The following UBTD2 variants were observed in gnomAD, a reference collection of about 807,000 sequenced individuals.
UBTD2 encodes ubiquitin domain-containing protein 2.
UBTD2 carries 9 observed loss-of-function variants against 19.8 expected under a neutral mutation model. The ratio of observed to expected loss-of-function variants is 0.46; its 90% CI spans 0.27 to 0.79. The LOEUF (loss-of-function observed/expected upper bound fraction) is 0.79. Among genes scored for constraint, UBTD2 ranks in the 30% least tolerant of loss-of-function variants. The pLI, the probability that UBTD2 is intolerant of heterozygous loss-of-function variation, is 0.14. For missense variants in UBTD2, 250 were observed against 300.4 expected, an observed-to-expected ratio of 0.83 and a Z score of 1.24; for synonymous variants, 98 against 103.9, an observed-to-expected ratio of 0.94 and a Z score of 0.35.
intron 1 of UBTD2, among the ~76,000 whole-genome samples, chr5:172,279,839 C>T (rs1000818485): frequency 2.0e-5 from 3 of 152,178 alleles, no homozygotes; most frequent in African/African-American, 4.8e-5. Context: ...GAGAACCATA[C>T]AGAATGTCTG....
chr5:172,211,792 G>C lies in UBTD2; in HGVS notation c.*38C>G. On this transcript the variant is annotated 3_prime_UTR_variant, in exon 3 of 3. Coordinates refer to ENST00000393792, the MANE Select transcript of UBTD2 (RefSeq NM_152277.3). ...AAATGACAACAAGAACCATAAAAAG[G>C]AGCAGAGGGATGTGGGAGCTGGCCA... The C allele has an allele frequency of 6.5e-7, 1 of 1,543,018 alleles. No individual in the cohort carries two copies. Among genetic ancestry groups the C allele is most frequent in the Non-Finnish European group, 8.7e-7 (1 of 1,144,964 alleles).
At chr5:172,256,047 C>T (rs1755141285) in intron 1 of UBTD2, among the ~76,000 whole-genome samples, 1 of 152,056 alleles carries the variant, frequency 6.6e-6, no homozygotes, top group South Asian at 2.1e-4. Context: ...CGAGATCACA[C>T]CACTGCACTC....
chr5:172,278,754 A>G (rs1291255562), intron 1 of UBTD2, among the ~76,000 whole-genome samples: 5 of 152,100 alleles, frequency 3.3e-5, no homozygotes, highest in Admixed American at 6.6e-5. Context: ...GGTAATTGTT[A>G]TATGTTTTGC....
intron 2 of UBTD2, among the ~76,000 whole-genome samples, chr5:172,226,454 G>A (rs569382800): frequency 1.4e-4 from 21 of 152,210 alleles, no homozygotes; most frequent in African/African-American, 4.3e-4. Context: ...TAATAAGCAC[G>A]TGAAAAATTG....
intron 1 of UBTD2, among the ~76,000 whole-genome samples, chr5:172,265,935 T>G (rs1424001383): frequency 6.6e-6 from 1 of 151,358 alleles, no homozygotes; most frequent in Non-Finnish European, 1.5e-5. Flanking sequence ...TTGTTTTTTT[T>G]TTTGTTTTTC....
At chr5:172,272,763 A>C (rs1755519156) in intron 1 of UBTD2, among the ~76,000 whole-genome samples, 1 of 152,210 alleles carries the variant, frequency 6.6e-6, no homozygotes. Context: ...AGCCAGATTT[A>C]AAAATAAAAC....
chr5:172,258,496 G>GTTT (rs558452365), intron 1 of UBTD2, among the ~76,000 whole-genome samples: 276 of 152,242 alleles, frequency 1.8e-3, no homozygotes, highest in Non-Finnish European at 3.0e-3. Context: ...TTAGAATAGT[G>GTTT]TTTTCAAATT....
intron 1 of UBTD2, among the ~76,000 whole-genome samples, chr5:172,275,684 G>A (rs949527300): frequency 6.6e-6 from 1 of 152,066 alleles, no homozygotes; most frequent in African/African-American, 2.4e-5. Flanking sequence ...CACCCCAGCT[G>A]ATCCCAAAAT....
chr5:172,250,674 T>G (rs1754983662), intron 1 of UBTD2, among the ~76,000 whole-genome samples: 1 of 152,142 alleles, frequency 6.6e-6, no homozygotes, highest in South Asian at 2.1e-4. Context: ...ATTAGCATTA[T>G]GTCAATATCC....
rs374035305 is a variant in UBTD2, at chr5:172,226,719, A to T, written c.307+7403T>A. On this transcript the variant is annotated intron_variant, in intron 2 of 2. Coordinates refer to ENST00000393792, the MANE Select transcript of UBTD2 (RefSeq NM_152277.3). ...ATTAGGTGCAGTTTTTCAGGATTGT[A>T]GAGATGCTAACAAATTACAGGTTCT... Among the ~76,000 whole-genome samples, 23 of 152,338 alleles carry T rather than the reference A, an allele frequency of 1.5e-4. No individual in the cohort carries two copies. The East Asian group carries it at 3.3e-3, about 22-fold the overall frequency.
intron 1 of UBTD2, chr5:172,254,761 G>A: frequency 3.7e-6 from 1 of 267,790 alleles, no homozygotes; most frequent in Non-Finnish European, 7.0e-6. Context: ...ATTAAGGGGG[G>A]GGTGACATTT....
chr5:172,257,214 C>T (rs1343435743), intron 1 of UBTD2, among the ~76,000 whole-genome samples: 5 of 152,166 alleles, frequency 3.3e-5, no homozygotes, highest in Non-Finnish European at 5.9e-5. Context: ...TTAGCTCCCA[C>T]TTATTAGTGA....
intron 1 of UBTD2, among the ~76,000 whole-genome samples, chr5:172,245,374 G>C (rs1478439507): frequency 6.6e-6 from 1 of 152,176 alleles, no homozygotes; most frequent in Admixed American, 6.5e-5. Context: ...TTCTGTGTTT[G>C]AACTGACCCA....
Position 172,239,850 on chromosome 5 carries a change from G to A in UBTD2, c.71-5492C>T, listed in dbSNP as rs986400891. On this transcript the variant is annotated intron_variant, in intron 1 of 2. Coordinates refer to ENST00000393792, the MANE Select transcript of UBTD2 (RefSeq NM_152277.3). Reference sequence around the variant, plus strand: ...ACCTGGGAGGCAGAGATTGCAGTGAGCCGAGATCACACCATTGCACTCCAG... The same window carrying A: ...ACCTGGGAGGCAGAGATTGCAGTGAACCGAGATCACACCATTGCACTCCAG... 3.3e-5 allele frequency among the ~76,000 whole-genome samples: 5 copies of A among 151,804 alleles called. No individual in the cohort carries two copies. The South Asian group carries it at 1.0e-3, about 32-fold the overall frequency.
At chr5:172,267,080 C>T (rs1286853699) in intron 1 of UBTD2, among the ~76,000 whole-genome samples, 1 of 150,126 alleles carries the variant, frequency 6.7e-6, no homozygotes, top group Non-Finnish European at 1.5e-5. Context: ...TAGAATCTTA[C>T]CGTATGATTT....
chr5:172,213,996 G>A lies in UBTD2; in HGVS notation c.308-1769C>T, dbSNP rs1561847812. ...AGACGGGGTTTCTCCATGTTGGTCAGGCTGTTCTTGAACTCCTGACCTAGG... is the reference window on the plus strand; with the variant it reads ...AGACGGGGTTTCTCCATGTTGGTCAAGCTGTTCTTGAACTCCTGACCTAGG... On this transcript the variant is annotated intron_variant, in intron 2 of 2. Coordinates refer to ENST00000393792, the MANE Select transcript of UBTD2 (RefSeq NM_152277.3). Among the ~76,000 whole-genome samples, 3 of 152,188 alleles carry A rather than the reference G, an allele frequency of 2.0e-5. No homozygotes were observed. The South Asian group carries it at 6.2e-4, about 32-fold the overall frequency.
intron 2 of UBTD2, among the ~76,000 whole-genome samples, chr5:172,222,202 A>T (rs1181710152): frequency 1.3e-5 from 2 of 152,248 alleles, no homozygotes; most frequent in Non-Finnish European, 2.9e-5. Flanking sequence ...TTCAGAGCAG[A>T]CTGGCCCCTT....
chr5:172,283,267 T>C lies in UBTD2; in HGVS notation c.70+329A>G, dbSNP rs1447731924. ...CTTTTCTGCAACCCCGGCGCCGCCA[T>C]CCTGATCCTCAATAATTAAACGGCC... is the stretch of plus-strand genomic sequence containing the variant. On this transcript the variant is annotated intron_variant, in intron 1 of 2. Coordinates refer to ENST00000393792, the MANE Select transcript of UBTD2 (RefSeq NM_152277.3). This position sits in a 1 kb window ranked among gnomAD's most constrained non-coding sequence, Gnocchi z 4.3. 6.6e-6 allele frequency among the ~76,000 whole-genome samples: 1 copy of C among 151,346 alleles called. No individual in the cohort carries two copies.
upstream of UBTD2, chr5:172,283,894 C>G (rs1755785004): frequency 1.2e-5 from 2 of 161,224 alleles, no homozygotes; most frequent in Admixed American, 6.6e-5. The surrounding 1 kb of genome is among the most constrained non-coding windows in gnomAD (Gnocchi z 4.3). Context: ...GCCCGGCAGG[C>G]CTGGCCCGCG....
Sources: allele counts gnomAD v4.1 joint callset (sites outside exome capture counted in the v4.1 genomes callset), GRCh38; gene constraint gnomAD v4.1.1; non-coding constraint Gnocchi (gnomAD v3.1); transcripts MANE v1.5; gene names NCBI Gene and HGNC (gene_info 2026-07-23, HGNC 2026-07-21).